The following ASTN2 variants were observed in gnomAD, a reference collection of about 807,000 sequenced individuals.
ASTN2 encodes the protein astrotactin 2, also known as astrotactin-2.
Under a neutral mutation model 139.8 loss-of-function variants are expected in ASTN2, and 54 were observed. The ratio of observed to expected loss-of-function variants is 0.39; its 90% CI spans 0.31 to 0.48. The LOEUF is 0.48. ASTN2 is among the 20% of genes least tolerant of loss of function. The pLI is 0.95. For missense variants in ASTN2, 1,565 were observed against 1,725.1 expected, an observed-to-expected ratio of 0.91 and a Z score of 1.64; for synonymous variants, 756 against 719.5, an observed-to-expected ratio of 1.05 and a Z score of -0.81.
intron 16 of ASTN2, chr9:116,701,300 G>GT (rs1292814713): frequency 6.0e-6 from 1 of 166,748 alleles, no homozygotes; most frequent in African/African-American, 2.4e-5. Context: ...TGTTGAACTA[G>GT]TTTGTCTTGT....
intron 10 of ASTN2, among the ~76,000 whole-genome samples, chr9:116,951,321 G>A (rs1329745448): frequency 1.0e-5 from 1 of 96,796 alleles, no homozygotes; most frequent in African/African-American, 4.0e-5. Context: ...TGGGCAACAA[G>A]AGTGAAACTC....
At chr9:116,839,734 G>C (rs559645159) in intron 11 of ASTN2, among the ~76,000 whole-genome samples, 19 of 151,826 alleles carry the variant, frequency 1.3e-4, no homozygotes, top group African/African-American at 4.1e-4. Flanking sequence ...GCAGTGGCGT[G>C]ATCTCGGCAT....
chr9:117,202,405 AC>A (rs1039788098), intron 3 of ASTN2, among the ~76,000 whole-genome samples: 5 of 152,080 alleles, frequency 3.3e-5, no homozygotes, highest in African/African-American at 1.2e-4. Context: ...GTTATTTTGC[AC>A]AGTAGTTGAT....
chr9:117,336,892 A>G (rs149651730), intron 1 of ASTN2, among the ~76,000 whole-genome samples: 213 of 152,288 alleles, frequency 1.4e-3, no homozygotes, highest in African/African-American at 4.6e-3. Flanking sequence ...ACACAAAGGG[A>G]GAATGTAAAA....
At chr9:117,322,674 G>T (rs1208080619) in intron 1 of ASTN2, among the ~76,000 whole-genome samples, 1 of 152,146 alleles carries the variant, frequency 6.6e-6, no homozygotes, top group African/African-American at 2.4e-5. Flanking sequence ...TTGGGGAGGT[G>T]CACCTTGCTG....
intron 1 of ASTN2, among the ~76,000 whole-genome samples, chr9:117,380,614 A>G (rs1215221958): frequency 6.6e-6 from 1 of 151,830 alleles, no homozygotes; most frequent in Non-Finnish European, 1.5e-5. Flanking sequence ...AAAAAAAAAA[A>G]AGATAACCTG....
At position 116,492,093 on chromosome 9, in the gene ASTN2, T is replaced by C. The variant is rs566991358; in HGVS notation, c.3356-4593A>G. Among the ~76,000 whole-genome samples, 102 of 152,100 alleles carry C rather than the reference T, an allele frequency of 6.7e-4. 1 individual carries two copies. Among genetic ancestry groups the C allele is most frequent in the Non-Finnish European group, 4.7e-4 (32 of 67,978 alleles). ...TGTTTTTGTTTTTCTCTCTTTTTTT[T>C]TTTTTTGAGAAAAAGTCTTTCTCTA... On this transcript the variant is annotated intron_variant, in intron 19 of 22. Transcript: ENST00000313400.
rs921764255 is a variant in ASTN2 at position 116,687,217 on chromosome 9, G to T, written c.2807-35424C>A. The T allele has an allele frequency of 2.9e-5, 29 of 1,006,468 alleles. No individual in the cohort carries two copies. The East Asian group carries it at 2.4e-3, about 84-fold the overall frequency. 62.3% of individuals were successfully genotyped at this position (1,006,468 alleles called of 1,614,324 possible). On this transcript the variant is annotated intron_variant, in intron 16 of 22. Transcript: ENST00000313400. Reference sequence around the variant, plus strand: ...GGCCGCCTTGCCCCGCGCGCTTGGGGCCAGCTGCACGACAAGCCCCAGCAT... The same window carrying T: ...GGCCGCCTTGCCCCGCGCGCTTGGGTCCAGCTGCACGACAAGCCCCAGCAT...
chr9:117,005,074 T>TA lies in ASTN2; in HGVS notation c.1591+3017dup, dbSNP rs368978131. On this transcript the variant is annotated intron_variant, in intron 7 of 22. Transcript: ENST00000313400. ...TCTTTGAATTTGAGTTGTGGACCTG[T>TA]AGTCGATTTTTTTTTTTTTTTTTTT... 9.2e-3 allele frequency among the ~76,000 whole-genome samples: 1,296 copies of TA among 141,500 alleles called. 22 individuals are homozygous for TA. Among genetic ancestry groups the TA allele is most frequent in the African/African-American group, 0.032 (1,234 of 38,064 alleles). The allele number at this position is 141,500 out of a possible 152,430, so 92.8% of individuals were successfully genotyped here. A position where few individuals can be genotyped will look rare whatever the true frequency, so the allele number is the denominator to read the frequency against.
intron 13 of ASTN2, among the ~76,000 whole-genome samples, chr9:116,741,853 T>C (rs1335843273): frequency 6.6e-6 from 1 of 152,228 alleles, no homozygotes; most frequent in Non-Finnish European, 1.5e-5. Flanking sequence ...TCATATGCTC[T>C]ACTTCTTAAT....
chr9:116,451,221 A>G (rs1260568041), intron 20 of ASTN2, among the ~76,000 whole-genome samples: 1 of 152,224 alleles, frequency 6.6e-6, no homozygotes, highest in Non-Finnish European at 1.5e-5. Context: ...CTGGTATGTG[A>G]GCATCTCCCT....
intron 4 of ASTN2, among the ~76,000 whole-genome samples, chr9:117,101,742 G>A (rs1828983698): frequency 6.6e-6 from 1 of 152,158 alleles, no homozygotes; most frequent in African/African-American, 2.4e-5. Flanking sequence ...ATTTGAATCT[G>A]ATGTATGTCT....
At chr9:117,032,476 T>C (rs1052495982) in intron 6 of ASTN2, among the ~76,000 whole-genome samples, 1 of 152,176 alleles carries the variant, frequency 6.6e-6, no homozygotes, top group African/African-American at 2.4e-5. Flanking sequence ...GATGATTTCA[T>C]AGAGCAGGAT....
intron 1 of ASTN2, among the ~76,000 whole-genome samples, chr9:117,329,659 T>A (rs1828638766): frequency 6.6e-6 from 1 of 152,064 alleles, no homozygotes; most frequent in South Asian, 2.1e-4. Flanking sequence ...CAGATGCAAT[T>A]CCTTCTCCAA....
chr9:116,553,243 T>C (rs1852437095), intron 19 of ASTN2, among the ~76,000 whole-genome samples: 1 of 152,086 alleles, frequency 6.6e-6, no homozygotes, highest in African/African-American at 2.4e-5. Flanking sequence ...ACAAGAATGG[T>C]CGATAATCAC....
intron 1 of ASTN2, among the ~76,000 whole-genome samples, chr9:117,384,389 A>G (rs965847008): frequency 7.3e-5 from 11 of 151,684 alleles, no homozygotes; most frequent in Non-Finnish European, 1.0e-4. Flanking sequence ...ACAGTATAAC[A>G]CATCTCGGCC....
chr9:116,652,531 C>A (rs951193691), intron 16 of ASTN2, among the ~76,000 whole-genome samples: 1 of 151,974 alleles, frequency 6.6e-6, no homozygotes, highest in African/African-American at 2.4e-5. Context: ...TCCATGCAGC[C>A]CAATATTACA....
chr9:117,163,097 C>A (rs1257709431), intron 3 of ASTN2, among the ~76,000 whole-genome samples: 1 of 152,018 alleles, frequency 6.6e-6, no homozygotes, highest in Non-Finnish European at 1.5e-5. Context: ...TACACGGAAG[C>A]CCCAGAGGGG....
At chr9:116,742,961 C>G (rs1829133148) in intron 13 of ASTN2, among the ~76,000 whole-genome samples, 2 of 152,020 alleles carry the variant, frequency 1.3e-5, no homozygotes, top group African/African-American at 4.8e-5. Context: ...AAAAACTACC[C>G]AAGACCATCC....
Sources: gnomAD v4.1 joint callset for allele counts (sites outside exome capture counted in the v4.1 genomes callset) on GRCh38, gnomAD v4.1.1 for gene constraint, MANE v1.5 for transcripts, NCBI Gene and HGNC (gene_info 2026-07-23, HGNC 2026-07-21) for gene names.